Variants in UPRT observed in about 807,000 individuals in gnomAD.
UPRT encodes uracil phosphoribosyltransferase homolog, also known as RP11-311P8.3.
A neutral mutation model predicts 22.6 loss-of-function variants in UPRT; 5 were observed. The observed-to-expected ratio is 0.22, with a 90% CI of 0.12 to 0.47. The LOEUF is 0.47. UPRT is among the 20% of genes least tolerant of loss of function. UPRT has a pLI of 0.99. For synonymous variants in UPRT, 77 were observed against 87.7 expected (o/e 0.88, Z 0.68); for missense variants, 181 against 239.9 (o/e 0.75, Z 1.62).
intron 4 of UPRT, among the ~76,000 whole-genome samples, chrX:75,232,861 C>T (rs1357288926): frequency 9.0e-6 from 1 of 111,640 alleles, no homozygotes; most frequent in Non-Finnish European, 1.9e-5. Flanking sequence ...AAACTGGAAA[C>T]TCTAAAAAGC....
chrX:75,257,466 C>T (rs1047701300), intron 4 of UPRT, among the ~76,000 whole-genome samples: 14 of 111,564 alleles, frequency 1.3e-4, no homozygotes, highest in Non-Finnish European at 2.4e-4. Flanking sequence ...AACAAGACAA[C>T]AATGCCCACT....
chrX:75,287,072 A>G (rs1376022805), intron 1 of UPRT, among the ~76,000 whole-genome samples: 1 of 111,312 alleles, frequency 9.0e-6, no homozygotes, highest in African/African-American at 3.3e-5. Flanking sequence ...AAGAAGAGTT[A>G]TATACTTAAG....
At chrX:75,242,700 AGTGAG>A (rs2082492227) in intron 4 of UPRT, among the ~76,000 whole-genome samples, 1 of 111,137 alleles carries the variant, frequency 9.0e-6, no homozygotes, top group Non-Finnish European at 1.9e-5. Flanking sequence ...GGAAGGTTTA[AGTGAG>A]ATAAAACATA....
At chrX:75,272,358 G>A (rs75664165), upstream of UPRT, among the ~76,000 whole-genome samples, 1,274 of 85,365 alleles carry the variant, frequency 0.015, 46 homozygotes, top group African/African-American at 0.038. Context: ...ATATATATAT[G>A]TGTATATATA....
chrX:75,190,166 G>A (rs1415642976), intron 4 of UPRT, among the ~76,000 whole-genome samples: 2 of 111,774 alleles, frequency 1.8e-5, no homozygotes, highest in Admixed American at 9.5e-5. Context: ...CTTGTAGGGT[G>A]GGCCTGGTGG....
intron 4 of UPRT, among the ~76,000 whole-genome samples, chrX:75,200,281 G>A (rs60240846): frequency 8.9e-6 from 1 of 112,196 alleles, no homozygotes; most frequent in Non-Finnish European, 1.9e-5. Context: ...GTGCTACAAG[G>A]TACATATTGC....
intron 4 of UPRT, among the ~76,000 whole-genome samples, chrX:75,208,514 C>A (rs1221093080): frequency 9.0e-6 from 1 of 111,582 alleles, no homozygotes; most frequent in Non-Finnish European, 1.9e-5. Flanking sequence ...AAAAAGGCAT[C>A]ATTTAAATCC....
intron 4 of UPRT, among the ~76,000 whole-genome samples, chrX:75,238,858 T>C (rs1362178686): frequency 2.7e-5 from 3 of 112,005 alleles, no homozygotes; most frequent in Admixed American, 9.6e-5. Context: ...ATCTTCTGAA[T>C]GATCCTTTGG....
chrX:75,274,775 GGTGTGTGTGTGTGTGTGTGTGTGT>G (rs201034223), intron 1 of UPRT, 135 bp downstream of exon 1: 1 of 369,653 alleles, frequency 2.7e-6, no homozygotes, highest in Non-Finnish European at 4.5e-6. Context: ...CCTTTTATTT[GGTGTGTGTGTGTGTGTGTGTGTGT>G]GTGTGTGTGT....
chrX:75,245,182 A>G (rs888106331), intron 4 of UPRT, among the ~76,000 whole-genome samples: 3 of 110,486 alleles, frequency 2.7e-5, no homozygotes, highest in African/African-American at 9.9e-5. Flanking sequence ...AAAATTCTCA[A>G]CATCACTAAT....
chrX:75,296,884 A>G (rs1349115829), intron 3 of UPRT, among the ~76,000 whole-genome samples: 1 of 112,041 alleles, frequency 8.9e-6, no homozygotes, highest in African/African-American at 3.2e-5. Context: ...TCCCTGTTTC[A>G]GGGATTTGAA....
intron 1 of UPRT, among the ~76,000 whole-genome samples, chrX:75,286,700 G>A (rs1303879257): frequency 2.7e-5 from 3 of 111,509 alleles, no homozygotes; most frequent in African/African-American, 9.8e-5. Flanking sequence ...CATATCAATC[G>A]GAGTCACAGG....
intron 4 of UPRT, among the ~76,000 whole-genome samples, chrX:75,211,105 G>A (rs1012984345): frequency 9.0e-6 from 1 of 110,619 alleles, no homozygotes. Context: ...TGAGACACCC[G>A]AGAGTGGTGT....
chrX:75,212,468 CTT>C (rs1173712141), intron 4 of UPRT, among the ~76,000 whole-genome samples: 3 of 112,051 alleles, frequency 2.7e-5, no homozygotes, highest in Admixed American at 9.5e-5. Context: ...TCAAGAAGTT[CTT>C]TGAAACAAAT....
At chrX:75,217,828 A>T (rs1488267186) in intron 4 of UPRT, among the ~76,000 whole-genome samples, 3 of 112,405 alleles carry the variant, frequency 2.7e-5, no homozygotes, top group Admixed American at 9.4e-5. Context: ...AAAACTGGCT[A>T]GCCAGATGTA....
chrX:75,295,494 G>T (rs1469087809), intron 2 of UPRT, among the ~76,000 whole-genome samples: 2 of 112,110 alleles, frequency 1.8e-5, no homozygotes, highest in Non-Finnish European at 3.8e-5. Context: ...TCTGTCTGAT[G>T]CTGCAGGCTG....
chrX:75,270,908 G>GA (rs1278423053), upstream of UPRT, among the ~76,000 whole-genome samples: 3 of 109,320 alleles, frequency 2.7e-5, no homozygotes, highest in Non-Finnish European at 5.7e-5. Context: ...GTATAATAAG[G>GA]AAAAAATAAA....
intron 4 of UPRT, among the ~76,000 whole-genome samples, chrX:75,174,543 G>A (rs1048043004): frequency 1.8e-5 from 2 of 111,730 alleles, no homozygotes; most frequent in Non-Finnish European, 3.8e-5. Flanking sequence ...TTTGAAAGGC[G>A]TTGTCTGATT....
chrX:75,227,046 G>C (rs1317940390), intron 4 of UPRT, among the ~76,000 whole-genome samples: 1 of 111,090 alleles, frequency 9.0e-6, no homozygotes, highest in Non-Finnish European at 1.9e-5. Flanking sequence ...CTTTGGGCAT[G>C]TATGTGAGCT....
Sources: allele counts gnomAD v4.1 joint callset (sites outside exome capture counted in the v4.1 genomes callset), GRCh38; gene constraint gnomAD v4.1.1; transcripts MANE v1.5; gene names NCBI Gene and HGNC (gene_info 2026-07-23, HGNC 2026-07-21).